The following CREB5 variants were observed in gnomAD, a reference collection of about 807,000 sequenced individuals.
CREB5 encodes the protein cyclic AMP-responsive element-binding protein 5.
Under a neutral mutation model 57.1 loss-of-function variants are expected in CREB5, and 19 were observed. That is an observed-to-expected ratio of 0.33 (90% CI 0.23 to 0.49). The LOEUF (loss-of-function observed/expected upper bound fraction) is 0.49. CREB5 is among the 20% of genes least tolerant of loss of function. CREB5 has a pLI of 0.99. For missense variants in CREB5, 579 were observed against 671.6 expected (o/e 0.86, Z 1.52); for synonymous variants, 238 against 238.3 (o/e 1.00, Z 0.01).
intron 5 of CREB5, among the ~76,000 whole-genome samples, chr7:28,717,086 CT>C (rs5883165): frequency 0.032 from 3,494 of 110,152 alleles, 39 homozygotes; most frequent in African/African-American, 0.051. Flanking sequence ...GCTTTATATT[CT>C]TTTTTTTTTT....
intron 1 of CREB5, among the ~76,000 whole-genome samples, chr7:28,299,941 T>A (rs1376400918): frequency 2.6e-5 from 4 of 152,238 alleles, no homozygotes; most frequent in African/African-American, 7.2e-5. Context: ...AAGATTTTGA[T>A]AATTAAATGT....
At chr7:28,621,663 C>T (rs1047099379) in intron 5 of CREB5, among the ~76,000 whole-genome samples, 4 of 152,218 alleles carry the variant, frequency 2.6e-5, no homozygotes, top group African/African-American at 9.6e-5. Flanking sequence ...TTTATGCCAG[C>T]CCATGATCTC....
intron 5 of CREB5, among the ~76,000 whole-genome samples, chr7:28,587,912 A>T (rs573954991): frequency 6.6e-6 from 1 of 152,172 alleles, no homozygotes; most frequent in East Asian, 1.9e-4. Context: ...CCATTTCCTG[A>T]CTGCTTTTCT....
intron 7 of CREB5, among the ~76,000 whole-genome samples, chr7:28,774,853 C>T (rs1806531077): frequency 1.3e-5 from 2 of 152,200 alleles, no homozygotes; most frequent in Admixed American, 1.3e-4. Flanking sequence ...AGTCCTCAAA[C>T]AGACTTCAGC....
intron 1 of CREB5, among the ~76,000 whole-genome samples, chr7:28,344,958 A>G (rs1786013891): frequency 6.6e-6 from 1 of 152,214 alleles, no homozygotes; most frequent in South Asian, 2.1e-4. Flanking sequence ...TCTAGAAGAC[A>G]TAATAATTGT....
At chr7:28,418,285 A>T (rs1210619101) in intron 1 of CREB5, among the ~76,000 whole-genome samples, 1 of 152,240 alleles carries the variant, frequency 6.6e-6, no homozygotes, top group Non-Finnish European at 1.5e-5. Context: ...AATGCACATC[A>T]GAATGCTTTA....
intron 5 of CREB5, among the ~76,000 whole-genome samples, chr7:28,629,800 G>A (rs1227303521): frequency 6.6e-6 from 1 of 152,198 alleles, no homozygotes; most frequent in East Asian, 1.9e-4. Context: ...ATAAACATGT[G>A]AAGGCTCTTT....
chr7:28,727,107 T>C (rs1803373919), intron 7 of CREB5, among the ~76,000 whole-genome samples: 1 of 151,790 alleles, frequency 6.6e-6, no homozygotes, highest in African/African-American at 2.4e-5. Context: ...AAGAAGCACA[T>C]GTGCAAATCT....
chr7:28,639,129 T>C lies in CREB5; in HGVS notation c.464+68592T>C, dbSNP rs544437643. ...TAGTTCCTCTAGACTATTTGAATAA[T>C]TATGAGTCAGACTAATGATTTCAGC... On this transcript the variant is annotated intron_variant, in intron 5 of 10. Transcript: ENST00000357727. Among the ~76,000 whole-genome samples, 236 of 152,320 alleles carry C rather than the reference T, an allele frequency of 1.5e-3. 1 individual carries two copies. Among genetic ancestry groups the C allele is most frequent in the South Asian group, 5.8e-3 (28 of 4,828 alleles).
At chr7:28,385,078 AG>A (rs1787059769) in intron 1 of CREB5, among the ~76,000 whole-genome samples, 1 of 152,172 alleles carries the variant, frequency 6.6e-6, no homozygotes, top group African/African-American at 2.4e-5. Context: ...GTATTTTTAA[AG>A]GGAAGTATGT....
At chr7:28,687,218 C>G (rs1041281304) in intron 5 of CREB5, among the ~76,000 whole-genome samples, 1 of 152,052 alleles carries the variant, frequency 6.6e-6, no homozygotes, top group Non-Finnish European at 1.5e-5. Context: ...TGTTGTTCCA[C>G]GTGCTAATTA....
chr7:28,393,072 G>A (rs964206818), intron 1 of CREB5, among the ~76,000 whole-genome samples: 5 of 152,092 alleles, frequency 3.3e-5, no homozygotes, highest in African/African-American at 7.2e-5. Flanking sequence ...TTACAGGCAT[G>A]TGCCACCACG....
chr7:28,455,279 T>A (rs1790043129), intron 1 of CREB5, among the ~76,000 whole-genome samples: 1 of 152,136 alleles, frequency 6.6e-6, no homozygotes, highest in Non-Finnish European at 1.5e-5. Context: ...ATGGACAGAC[T>A]GGGATAGCTT....
At chr7:28,799,716 A>C (rs996002089) in intron 7 of CREB5, among the ~76,000 whole-genome samples, 2 of 152,224 alleles carry the variant, frequency 1.3e-5, no homozygotes, top group Non-Finnish European at 2.9e-5. Context: ...AGATAAAATT[A>C]ACAGGCATTC....
intron 6 of CREB5, among the ~76,000 whole-genome samples, chr7:28,721,572 G>A (rs1350993217): frequency 6.6e-6 from 1 of 152,174 alleles, no homozygotes. Context: ...AGTGAGGACA[G>A]GATTCTTCAC....
chr7:28,556,531 G>A (rs1794887073), intron 4 of CREB5, among the ~76,000 whole-genome samples: 1 of 152,048 alleles, frequency 6.6e-6, no homozygotes, highest in Admixed American at 6.6e-5. Flanking sequence ...CTGTGTGTTA[G>A]GTTGATGGAT....
At chr7:28,663,501 C>T (rs773063112) in intron 5 of CREB5, among the ~76,000 whole-genome samples, 1 of 152,128 alleles carries the variant, frequency 6.6e-6, no homozygotes, top group Admixed American at 6.5e-5. Context: ...CCACCGCACT[C>T]GGCCAGCTGT....
In CREB5 at chr7:28,575,636, G is replaced by C. The variant is rs541899285; in HGVS notation, c.464+5099G>C. ...TCACTGGTCCTCAGCCCTTAGCCAG[G>C]ACAACTTGAAGCCCCTTTGAGTAAT... On this transcript the variant is annotated intron_variant, in intron 5 of 10. Coordinates refer to ENST00000357727, the MANE Select transcript of CREB5 (RefSeq NM_182898.4). 1.2e-4 allele frequency among the ~76,000 whole-genome samples: 18 copies of C among 152,304 alleles called. No homozygotes were observed. The South Asian group carries it at 3.7e-3, about 32-fold the overall frequency.
At chr7:28,658,435 T>C (rs1799421942) in intron 5 of CREB5, among the ~76,000 whole-genome samples, 1 of 152,212 alleles carries the variant, frequency 6.6e-6, no homozygotes, top group Non-Finnish European at 1.5e-5. Context: ...ATTTGGAGTT[T>C]CACGCAGGCT....
Sources: gnomAD v4.1 joint callset for allele counts (sites outside exome capture counted in the v4.1 genomes callset) on GRCh38, gnomAD v4.1.1 for gene constraint, MANE v1.5 for transcripts, NCBI Gene and HGNC (gene_info 2026-07-23, HGNC 2026-07-21) for gene names.